HMGB3: variants seen among roughly 807,000 people sequenced by gnomAD.
HMGB3 encodes the protein high mobility group protein B3.
Under a neutral mutation model 12.9 loss-of-function variants are expected in HMGB3, and 1 was observed. The ratio of observed to expected loss-of-function variants is 0.08; its 90% CI spans 0.03 to 0.37. The LOEUF is 0.37. Among genes scored for constraint, HMGB3 ranks in the 10% least tolerant of loss-of-function variants. HMGB3 has a pLI of 0.99. For synonymous variants in HMGB3, 61 were observed against 53.9 expected (o/e 1.13, Z -0.57); for missense variants, 74 against 153.3 (o/e 0.48, Z 2.73).
In HMGB3 at chrX:150,983,342, G is replaced by C. The variant is rs1305287944; in HGVS notation, c.-40G>C. The stretch of plus-strand genomic sequence containing the variant: ...GCTGGGGAGCGCTGAGCCGCGCGTC[G>C]TGCCCTGCGCTGCCCAGACTAGCGA... On this transcript the variant is annotated 5_prime_UTR_variant, in exon 1 of 5. Coordinates refer to ENST00000325307, the MANE Select transcript of HMGB3 (RefSeq NM_005342.4). The C allele has an allele frequency of 2.6e-6, 2 of 755,468 alleles. No individual in the cohort carries two copies. Among genetic ancestry groups the C allele is most frequent in the Admixed American group, 8.5e-5 (1 of 11,705 alleles). The allele number at this position is 755,468 out of a possible 1,213,427, so 62.3% of individuals were successfully genotyped here. A position where few individuals can be genotyped will look rare whatever the true frequency, so the allele number is the denominator to read the frequency against.
intron 1 of HMGB3, chrX:150,984,513 C>G (rs1414304725): frequency 1.6e-5 from 5 of 308,704 alleles, no homozygotes; most frequent in African/African-American, 1.5e-4. Flanking sequence ...CGGCCGCACA[C>G]CCCCCGCGCA....
chrX:150,984,652 G>A (rs1181278317), intron 1 of HMGB3: 3 of 637,383 alleles, frequency 4.7e-6, no homozygotes, highest in Admixed American at 8.6e-5. Context: ...CCGGTGACCC[G>A]GCACGGGGGC....
chrX:150,987,082 T>A, intron 3 of HMGB3, 46 bp from the exon 4 acceptor site: 1 of 1,055,476 alleles, frequency 9.5e-7, no homozygotes, highest in Non-Finnish European at 1.3e-6. Flanking sequence ...CAACTTTAAC[T>A]CAAATTTTTT....
upstream of HMGB3, among the ~76,000 whole-genome samples, chrX:150,982,265 A>C (rs1347144262): frequency 9.0e-6 from 1 of 111,493 alleles, no homozygotes; most frequent in Non-Finnish European, 1.9e-5. Flanking sequence ...ATTGAATTCC[A>C]GCAACACCTG....
rs2048077106 is a variant in HMGB3 at position 150,988,396 on chromosome X, G to A, written c.*482G>A. On this transcript the variant is annotated 3_prime_UTR_variant, in exon 5 of 5. Coordinates refer to ENST00000325307, the MANE Select transcript of HMGB3 (RefSeq NM_005342.4). ...GAGGCTGTGGGGAAGATGCCTTTTG[G>A]GAGAGGCTGTAGCTCAGGGCGTGCA... 8.8e-6 allele frequency: 1 copy of A among 114,227 alleles called. No homozygotes were observed. The highest frequency in any genetic ancestry group is 1.8e-5 in the Non-Finnish European group (1 of 54,704). 9.4% of individuals were successfully genotyped at this position (114,227 alleles called of 1,213,427 possible).
At chrX:150,986,547 G>A (rs960418491) in intron 3 of HMGB3, among the ~76,000 whole-genome samples, 6 of 104,962 alleles carry the variant, frequency 5.7e-5, no homozygotes, top group Non-Finnish European at 9.7e-5. Flanking sequence ...ATATATGCGC[G>A]TATATATACG....
At chrX:150,986,026 A>G in intron 2 of HMGB3, 25 bp from the exon 3 acceptor site, 1 of 1,200,798 alleles carries the variant, frequency 8.3e-7, no homozygotes, top group South Asian at 1.8e-5. Context: ...GCATCGAGGG[A>G]TTTAACGAGT....
chrX:150,987,916 G>T lies in HMGB3; in HGVS notation c.*2G>T. ...GAGGAGGAGGAGGAGGATGAATAAA[G>T]AAACTGTTTATCTGTCTCCTTGTGA... On this transcript the variant is annotated 3_prime_UTR_variant, in exon 5 of 5. Transcript: ENST00000325307. The T allele has an allele frequency of 8.4e-7, 1 of 1,190,853 alleles. No individual in the cohort carries two copies. Among genetic ancestry groups the T allele is most frequent in the Non-Finnish European group, 1.1e-6 (1 of 889,173 alleles).
At chrX:150,984,184 G>C (rs1557425169) in intron 1 of HMGB3, among the ~76,000 whole-genome samples, 2 of 96,372 alleles carry the variant, frequency 2.1e-5, no homozygotes, top group East Asian at 7.0e-4. Context: ...CGGGCGGCTC[G>C]GAGGGCCGGG....
At chrX:150,982,775 GC>G (rs2048000167), upstream of HMGB3, among the ~76,000 whole-genome samples, 1 of 113,285 alleles carries the variant, frequency 8.8e-6, no homozygotes, top group Non-Finnish European at 1.9e-5. Context: ...CGAGGTCTTG[GC>G]GAGCAAGCAG....
At position 150,983,337 on chromosome X, in the gene HMGB3, G is replaced by A. The variant is rs1233565120; in HGVS notation, c.-45G>A. 21 of 753,867 alleles carry A rather than the reference G, an allele frequency of 2.8e-5. No individual in the cohort carries two copies. The African/African-American group carries it at 4.9e-4, about 17-fold the overall frequency. The allele number at this position is 753,867 out of a possible 1,213,427, so 62.1% of individuals were successfully genotyped here. A position where few individuals can be genotyped will look rare whatever the true frequency, so the allele number is the denominator to read the frequency against. ...GCGAGGCTGGGGAGCGCTGAGCCGC[G>A]CGTCGTGCCCTGCGCTGCCCAGACT... On this transcript the variant is annotated 5_prime_UTR_variant, in exon 1 of 5. Transcript: ENST00000325307.
Position 150,989,134 on chromosome X carries a change from T to C in HMGB3, c.*1220T>C, listed in dbSNP as rs1177187559. 1 of 111,592 alleles carries C rather than the reference T, an allele frequency of 9.0e-6. No individual in the cohort carries two copies. The highest frequency in any genetic ancestry group is 1.9e-5 in the Non-Finnish European group (1 of 53,116). 9.2% of individuals were successfully genotyped at this position (111,592 alleles called of 1,213,427 possible). A position where few individuals can be genotyped will look rare whatever the true frequency, so the allele number is the denominator to read the frequency against. On this transcript the variant is annotated 3_prime_UTR_variant, in exon 5 of 5. Transcript: ENST00000325307. ...ATTGCTAAACAGCAATTTCAGAGTG[T>C]ATGGTGTGTCAAAAATTAAGGCCTT...
chrX:150,985,302 G>A (rs1390662599), intron 1 of HMGB3, among the ~76,000 whole-genome samples: 4 of 111,919 alleles, frequency 3.6e-5, no homozygotes, highest in Admixed American at 1.9e-4. Flanking sequence ...TTCTGTAAAC[G>A]TAACACTGAG....
chrX:150,984,312 C>T (rs1465250569), intron 1 of HMGB3, among the ~76,000 whole-genome samples: 2 of 90,632 alleles, frequency 2.2e-5, no homozygotes, highest in Admixed American at 1.1e-4. Context: ...CCCCGAGCCC[C>T]CGGGCGGCCC....
In HMGB3 at chrX:150,987,767, G is replaced by GT. The variant is rs1347224048; in HGVS notation, c.466-8dup. The stretch of plus-strand genomic sequence containing the variant: ...GCATACTCATTTGAAATGTGTCCCT[G>GT]TTCCTCTAGGATGTTGCTGACTATA... On this transcript the variant is annotated splice_polypyrimidine_tract_variant and intron_variant, in intron 4 of 4. Coordinates refer to ENST00000325307, the MANE Select transcript of HMGB3 (RefSeq NM_005342.4). The GT allele has an allele frequency of 8.4e-7, 1 of 1,195,409 alleles. No homozygotes were observed. Among genetic ancestry groups the GT allele is most frequent in the Non-Finnish European group, 1.1e-6 (1 of 886,373 alleles).
At chrX:150,983,850 CGGTGCCCGCCGGGGGCTGCGCGGCT>C (rs1370488940) in intron 1 of HMGB3, among the ~76,000 whole-genome samples, 143 of 106,866 alleles carry the variant, frequency 1.3e-3, no homozygotes, top group African/African-American at 4.0e-3. Flanking sequence ...AACGGGCGGC[CGGTGCCCGCCGGGGGCTGCGCGGCT>C]GGTGCCCGCC....
chrX:150,981,346 G>C (rs2047991304), upstream of HMGB3, among the ~76,000 whole-genome samples: 2 of 107,542 alleles, frequency 1.9e-5, no homozygotes, highest in Non-Finnish European at 3.8e-5. Flanking sequence ...CAACCACTAA[G>C]CTGGTTCTAA....
At chrX:150,985,197 C>CT (rs1398279422) in intron 1 of HMGB3, among the ~76,000 whole-genome samples, 8 of 111,749 alleles carry the variant, frequency 7.2e-5, no homozygotes, top group Non-Finnish European at 1.5e-4. Context: ...ACCAGATAGT[C>CT]TTAAGTCATA....
intron 2 of HMGB3, 31 bp from the exon 3 acceptor site, chrX:150,986,020 C>T (rs782598551): frequency 8.4e-7 from 1 of 1,194,754 alleles, no homozygotes; most frequent in South Asian, 1.8e-5. Flanking sequence ...TTCACTGCAT[C>T]GAGGGATTTA....
Sources: gnomAD v4.1 joint callset for allele counts (sites outside exome capture counted in the v4.1 genomes callset) on GRCh38, gnomAD v4.1.1 for gene constraint, MANE v1.5 for transcripts, NCBI Gene and HGNC (gene_info 2026-07-23, HGNC 2026-07-21) for gene names.